DNAAF4: variants seen among roughly 807,000 people sequenced by gnomAD.
DNAAF4 encodes dynein axonemal assembly factor 4.
In DNAAF4, 43 loss-of-function variants were observed where a neutral mutation model predicts 51.8. The ratio of observed to expected loss-of-function variants is 0.83; its 90% CI spans 0.65 to 1.07. The LOEUF (loss-of-function observed/expected upper bound fraction) is 1.07. Among genes scored for constraint, DNAAF4 ranks in the 50% least tolerant of loss-of-function variants. The probability of loss-of-function intolerance (pLI) is 0.00; values close to 1 mark genes in which losing one functional copy is unlikely to be tolerated. For missense variants in DNAAF4, 581 were observed against 493.0 expected (o/e 1.18, Z -1.69); for synonymous variants, 194 against 165.6 (o/e 1.17, Z -1.32).
At chr15:55,445,031 CCTTT>C (rs1381968766) in intron 6 of DNAAF4, among the ~76,000 whole-genome samples, 9 of 131,542 alleles carry the variant, frequency 6.8e-5, no homozygotes, top group African/African-American at 2.0e-4. Context: ...AATTGAATAC[CCTTT>C]TTTTTTTTTT....
chr15:55,461,188 C>T (rs1010797507), intron 5 of DNAAF4, among the ~76,000 whole-genome samples: 2 of 152,070 alleles, frequency 1.3e-5, no homozygotes, highest in African/African-American at 4.8e-5. Context: ...CCTGCCTCAG[C>T]CTCCCGAGTA....
chr15:55,495,627 C>G (rs2058630600), intron 3 of DNAAF4, among the ~76,000 whole-genome samples: 1 of 152,050 alleles, frequency 6.6e-6, no homozygotes, highest in Non-Finnish European at 1.5e-5. Context: ...CCCTGCTACT[C>G]AGGAGGTCGA....
Position 55,430,380 on chromosome 15 carries a change from C to A in DNAAF4, c.*290G>T. On this transcript the variant is annotated 3_prime_UTR_variant, in exon 10 of 10. Transcript: ENST00000321149. ...TCAGTAAGTGTCCTGGTAACTATACCAAAACATATTTTGTTACAAGGGCAA... is the reference window on the plus strand; with the variant it reads ...TCAGTAAGTGTCCTGGTAACTATACAAAAACATATTTTGTTACAAGGGCAA... The A allele has an allele frequency of 3.0e-6, 3 of 994,480 alleles. No individual in the cohort carries two copies. The highest frequency in any genetic ancestry group is 1.7e-5 in the African/African-American group (1 of 57,476). The allele number at this position is 994,480 out of a possible 1,614,324, so 61.6% of individuals were successfully genotyped here.
chr15:55,423,845 T>C (rs1276646799), intron 7 of DNAAF4, among the ~76,000 whole-genome samples: 1 of 152,112 alleles, frequency 6.6e-6, no homozygotes, highest in African/African-American at 2.4e-5. Context: ...TCCCAGCATT[T>C]TGGGAGGCCA....
rs74933187 is a variant in DNAAF4 at position 55,450,725 on chromosome 15, C to T, written c.638-358G>A. Among the ~76,000 whole-genome samples, 41 of 152,292 alleles carry T rather than the reference C, an allele frequency of 2.7e-4. No homozygotes were observed. In the East Asian group the frequency reaches 7.7e-3, roughly 29 times the overall value. The stretch of plus-strand genomic sequence containing the variant: ...ATCTCTATCTCCTTAAACTCTATAG[C>T]AGTATCTCCTACATACTTTATCTCC... On this transcript the variant is annotated intron_variant, in intron 5 of 9. Coordinates refer to ENST00000321149, the MANE Select transcript of DNAAF4 (RefSeq NM_130810.4).
At chr15:55,427,087 G>A (rs1480530074), downstream of DNAAF4, among the ~76,000 whole-genome samples, 1 of 151,608 alleles carries the variant, frequency 6.6e-6, no homozygotes, top group East Asian at 1.9e-4. Context: ...TGTTTGTTTT[G>A]AGACAGTCTC....
chr15:55,474,504 A>G (rs184975734), intron 4 of DNAAF4, among the ~76,000 whole-genome samples: 31 of 152,316 alleles, frequency 2.0e-4, no homozygotes, highest in Middle Eastern at 6.8e-3. Flanking sequence ...ACTGCACTCC[A>G]GCCTGGGCGA....
At chr15:55,457,366 A>G (rs1006463758) in intron 5 of DNAAF4, among the ~76,000 whole-genome samples, 1 of 151,916 alleles carries the variant, frequency 6.6e-6, no homozygotes, top group Non-Finnish European at 1.5e-5. Flanking sequence ...TTGGCCTGAG[A>G]ATCCCCTCCA....
intron 8 of DNAAF4, among the ~76,000 whole-genome samples, chr15:55,433,912 A>AT (rs1555413829): frequency 6.0e-3 from 49 of 8,198 alleles, no homozygotes; most frequent in African/African-American, 0.038. Flanking sequence ...TATTATATAT[A>AT]ATTATATATA....
At chr15:55,427,752 C>T (rs2057445054), downstream of DNAAF4, among the ~76,000 whole-genome samples, 1 of 151,994 alleles carries the variant, frequency 6.6e-6, no homozygotes, top group Non-Finnish European at 1.5e-5. Context: ...TCTCCTGCCT[C>T]AGCATCCCGA....
chr15:55,488,012 T>C (rs902700982), intron 4 of DNAAF4, among the ~76,000 whole-genome samples: 8 of 152,176 alleles, frequency 5.3e-5, no homozygotes, highest in Non-Finnish European at 1.2e-4. Context: ...TCCCTCTCTT[T>C]CTACCAGGAA....
chr15:55,427,356 G>A (rs1318999185), downstream of DNAAF4, among the ~76,000 whole-genome samples: 4 of 152,112 alleles, frequency 2.6e-5, no homozygotes, highest in East Asian at 1.9e-4. Flanking sequence ...GTGAGCCACC[G>A]CGCCCAGCCA....
chr15:55,467,085 G>T lies in DNAAF4; in HGVS notation c.482C>A (p.Ala161Asp). ...ERIKATKALE[A>D]WKEYQRKAEE... Reference sequence around the variant, plus strand: ...AGCTTTTCTTTGATATTCTTTCCAGGCTTCCAATGCTTTAGTGGCTTTTAT... The same window carrying T: ...AGCTTTTCTTTGATATTCTTTCCAGTCTTCCAATGCTTTAGTGGCTTTTAT... Residue 161 changes from alanine to aspartate, a missense_variant, in exon 5 of 10, where the codon GCC becomes GAC. By Grantham distance (126) the Ala-to-Asp change is moderately radical (BLOSUM62 -2). Transcript: ENST00000321149. 1.3e-6 allele frequency: 2 copies of T among 1,543,918 alleles called. No homozygotes were observed. Among genetic ancestry groups the T allele is most frequent in the South Asian group, 1.2e-5 (1 of 81,192 alleles).
intron 6 of DNAAF4, among the ~76,000 whole-genome samples, chr15:55,440,636 G>A (rs922437556): frequency 2.0e-5 from 3 of 151,810 alleles, no homozygotes; most frequent in Non-Finnish European, 4.4e-5. Flanking sequence ...AAAGTGCTGG[G>A]ATTACAGGCG....
At chr15:55,474,262 G>A (rs551825116) in intron 4 of DNAAF4, among the ~76,000 whole-genome samples, 12 of 152,264 alleles carry the variant, frequency 7.9e-5, no homozygotes, top group Middle Eastern at 3.4e-3. Flanking sequence ...CTAGCTGGGC[G>A]CGATGGCTCA....
intron 5 of DNAAF4, among the ~76,000 whole-genome samples, chr15:55,460,979 G>C (rs567032203): frequency 2.0e-4 from 31 of 152,040 alleles, no homozygotes; most frequent in Middle Eastern, 6.8e-3. Flanking sequence ...TGGCCAGGCT[G>C]GTCTCAAACT....
intron 7 of DNAAF4, among the ~76,000 whole-genome samples, chr15:55,419,092 A>AT (rs1279102853): frequency 6.6e-6 from 1 of 151,910 alleles, no homozygotes; most frequent in African/African-American, 2.4e-5. Flanking sequence ...AATTTTTTGT[A>AT]TTTTTAGTAG....
Position 55,498,444 on chromosome 15 carries a change from C to A in DNAAF4, c.-115G>T. On this transcript the variant is annotated 5_prime_UTR_variant, in exon 2 of 10. Transcript: ENST00000321149. ...TTCCGGGTCAGGCCGGCCGGGAGCC[C>A]GGCGTTCCCAGCGTGCTCCGGCGCC... 6.8e-7 allele frequency: 1 copy of A among 1,462,874 alleles called. No homozygotes were observed. The highest frequency in any genetic ancestry group is 9.0e-7 in the Non-Finnish European group (1 of 1,106,992). The allele number at this position is 1,462,874 out of a possible 1,614,324, so 90.6% of individuals were successfully genotyped here. A position where few individuals can be genotyped will look rare whatever the true frequency, so the allele number is the denominator to read the frequency against.
chr15:55,494,278 C>T (rs1035060407), intron 3 of DNAAF4, among the ~76,000 whole-genome samples: 6 of 152,162 alleles, frequency 3.9e-5, no homozygotes, highest in Non-Finnish European at 7.3e-5. Context: ...ATCAGCCCGC[C>T]TCGGCCTACC....
Sources: allele counts gnomAD v4.1 joint callset (sites outside exome capture counted in the v4.1 genomes callset), GRCh38; gene constraint gnomAD v4.1.1; transcripts MANE v1.5; gene names NCBI Gene and HGNC (gene_info 2026-07-23, HGNC 2026-07-21).